Variants in CUBN observed in about 807,000 individuals in gnomAD.
CUBN encodes 460 kDa receptor.
Under a neutral mutation model 405.3 loss-of-function variants are expected in CUBN, and 282 were observed. That is an observed-to-expected ratio of 0.70 (90% CI 0.63 to 0.77). The LOEUF is 0.77. Ranked by LOEUF, CUBN falls within the 30% of genes least tolerant of loss-of-function variation. The probability of loss-of-function intolerance (pLI) is 0.00; values close to 1 mark genes in which losing one functional copy is unlikely to be tolerated. For synonymous variants in CUBN, 1,684 were observed against 1,617.0 expected (o/e 1.04, Z -0.99); for missense variants, 4,514 against 4,475.2 (o/e 1.01, Z -0.25).
At chr10:16,965,358 T>C (rs1449279544) in intron 31 of CUBN, among the ~76,000 whole-genome samples, 3 of 152,228 alleles carry the variant, frequency 2.0e-5, no homozygotes, top group African/African-American at 7.2e-5. Flanking sequence ...TAAAGACCAG[T>C]AATCACGCAT....
chr10:16,978,805 C>T (rs1439982819), intron 31 of CUBN, among the ~76,000 whole-genome samples: 4 of 152,146 alleles, frequency 2.6e-5, no homozygotes, highest in Admixed American at 2.6e-4. Context: ...CCCTCTCTAA[C>T]CACTCCTATT....
chr10:16,925,440 A>G lies in CUBN; in HGVS notation c.6463-16T>C, dbSNP rs562673259. Reference sequence around the variant, plus strand: ...CATTTCTTAGCTGGAAAGACAAATTAAAATTTCATCAACTCCTTTACATTG... The same window carrying G: ...CATTTCTTAGCTGGAAAGACAAATTGAAATTTCATCAACTCCTTTACATTG... On this transcript the variant is annotated splice_polypyrimidine_tract_variant and intron_variant, in intron 42 of 66. Transcript: ENST00000377833. 6.2e-7 allele frequency: 1 copy of G among 1,612,452 alleles called. No homozygotes were observed. Among genetic ancestry groups the G allele is most frequent in the Admixed American group, 1.7e-5 (1 of 59,966 alleles).
At position 17,127,856 on chromosome 10, in the gene CUBN, A is replaced by G. The variant is rs1437622422; in HGVS notation, c.321T>C (p.Ser107=). ...TGGAATTAAGCTGATAGATTTGACT[A>G]GATATATTTTGAGGCAGACCAATTG... is the stretch of plus-strand genomic sequence containing the variant. ...GSAIGLPQNI[S]SQIYQLNSKL... is the part of the protein sequence containing the mutation. Residue 107 remains serine, a synonymous_variant, in exon 3 of 67, where the codon TCT becomes TCC. Coordinates refer to ENST00000377833, the MANE Select transcript of CUBN (RefSeq NM_001081.4). The G allele has an allele frequency of 1.1e-5, 17 of 1,612,586 alleles. No homozygotes were observed. The East Asian group carries it at 3.6e-4, about 34-fold the overall frequency.
chr10:16,978,023 C>CTA (rs1364772231), intron 31 of CUBN, among the ~76,000 whole-genome samples: 11 of 152,298 alleles, frequency 7.2e-5, no homozygotes, highest in Admixed American at 4.6e-4. Context: ...TGTCCAGTGC[C>CTA]TAGATGCACG....
At chr10:16,939,939 G>A in intron 37 of CUBN, 93 bp downstream of exon 37, 3 of 1,076,728 alleles carry the variant, frequency 2.8e-6, no homozygotes, top group Admixed American at 1.7e-5. Context: ...TAGAGTTTAG[G>A]ATTGTTCTTG....
chr10:17,092,032 G>C (rs756081341), intron 14 of CUBN, among the ~76,000 whole-genome samples: 1 of 152,052 alleles, frequency 6.6e-6, no homozygotes, highest in Non-Finnish European at 1.5e-5. Flanking sequence ...CCCTCTCTTG[G>C]GGTCTAGATC....
chr10:17,129,418 T>A (rs1236455873), intron 1 of CUBN, among the ~76,000 whole-genome samples, 168 bp from the exon 2 acceptor site: 2 of 152,254 alleles, frequency 1.3e-5, no homozygotes, highest in African/African-American at 4.8e-5. Context: ...TGCACATTTC[T>A]CAGAGATACC....
intron 59 of CUBN, among the ~76,000 whole-genome samples, chr10:16,862,275 A>G (rs1443335263): frequency 6.6e-6 from 1 of 152,164 alleles, no homozygotes; most frequent in East Asian, 1.9e-4. Context: ...GGGGACAGTC[A>G]AACTCATGTT....
In CUBN at chr10:17,123,654, G is replaced by T; in HGVS notation, c.423C>A (p.Cys141Ter). 1 of 1,614,012 alleles carries T rather than the reference G, an allele frequency of 6.2e-7. No homozygotes were observed. Among genetic ancestry groups the T allele is most frequent in the South Asian group, 1.1e-5 (1 of 90,994 alleles). The change falls in exon 5 of 67, where the codon TGC becomes TGA. Residue 141 changes from cysteine to a stop codon, truncating the protein, a stop_gained. Transcript: ENST00000377833. LOFTEE classifies it high-confidence loss of function. ...GATTGAGGCAGGTTCCACCATTCTG[G>T]CAAGGATTGCTGCTGCAAACCTTTT... The part of the protein sequence containing the change: ...VDKKVCSSNP[C>*]QNGGTCLNLH...
rs541679395 is a variant in CUBN, at chr10:16,969,447, G to A, written c.4695+13037C>T. ...TCAGCTCACTGCAGCCTCCGCCTCC[G>A]GGGTTCAAGTGATTCTCCTGCCTTA... On this transcript the variant is annotated intron_variant, in intron 31 of 66. Coordinates refer to ENST00000377833, the MANE Select transcript of CUBN (RefSeq NM_001081.4). Among the ~76,000 whole-genome samples, 11 of 151,928 alleles carry A rather than the reference G, an allele frequency of 7.2e-5. No homozygotes were observed. The South Asian group carries it at 1.2e-3, about 17-fold the overall frequency.
At chr10:16,879,529 C>G (rs149653451) in intron 56 of CUBN, among the ~76,000 whole-genome samples, 2 of 152,310 alleles carry the variant, frequency 1.3e-5, no homozygotes, top group East Asian at 1.9e-4. Flanking sequence ...AATCAGACAT[C>G]CTGTTTGCTG....
intron 55 of CUBN, among the ~76,000 whole-genome samples, chr10:16,889,448 G>A (rs556353800): frequency 8.5e-5 from 13 of 152,264 alleles, no homozygotes; most frequent in Non-Finnish European, 1.9e-4. Context: ...ACACACCATT[G>A]CTTCTCTGAC....
chr10:16,990,665 G>C (rs544014189), intron 28 of CUBN, 150 bp from the exon 29 acceptor site: 1 of 656,502 alleles, frequency 1.5e-6, no homozygotes, highest in Non-Finnish European at 2.6e-6. Context: ...TAATTATGCA[G>C]TTATAAAACA....
intron 27 of CUBN, among the ~76,000 whole-genome samples, chr10:17,037,415 C>T (rs539829115): frequency 1.3e-5 from 2 of 152,240 alleles, no homozygotes; most frequent in African/African-American, 4.8e-5. Context: ...ATCATATAAT[C>T]ATAAATTCAT....
chr10:16,936,731 G>A (rs577209880), intron 39 of CUBN, among the ~76,000 whole-genome samples: 1 of 152,016 alleles, frequency 6.6e-6, no homozygotes, highest in African/African-American at 2.4e-5. Context: ...TTTTCTTTTC[G>A]AAACGGAGTC....
chr10:16,908,423 G>C (rs900465802), intron 48 of CUBN, among the ~76,000 whole-genome samples: 1 of 152,176 alleles, frequency 6.6e-6, no homozygotes, highest in African/African-American at 2.4e-5. Flanking sequence ...GGGATTACTG[G>C]TGTGAGCCAC....
rs545205431 is a variant in CUBN at position 17,097,718 on chromosome 10, A to G, written c.1765+2287T>C. 2.6e-5 allele frequency among the ~76,000 whole-genome samples: 4 copies of G among 152,274 alleles called. No individual in the cohort carries two copies. The South Asian group carries it at 8.3e-4, about 32-fold the overall frequency. On this transcript the variant is annotated intron_variant, in intron 14 of 66. Coordinates refer to ENST00000377833, the MANE Select transcript of CUBN (RefSeq NM_001081.4). ...TGAATGCAAAGTTGATTCACCATTC[A>G]AAATCAATCAATTTAACTCACTATA...
intron 59 of CUBN, among the ~76,000 whole-genome samples, chr10:16,859,538 C>A (rs1839956947): frequency 6.6e-6 from 1 of 152,034 alleles, no homozygotes; most frequent in Non-Finnish European, 1.5e-5. Flanking sequence ...GCTTCCTAAT[C>A]AAAATAATAC....
chr10:16,864,905 C>A (rs1840127689), intron 59 of CUBN, among the ~76,000 whole-genome samples: 1 of 148,934 alleles, frequency 6.7e-6, no homozygotes, highest in African/African-American at 2.5e-5. Context: ...ACACCTCGGC[C>A]TCCCAAAGTG....
Sources: gnomAD v4.1 joint callset for allele counts (sites outside exome capture counted in the v4.1 genomes callset) on GRCh38, gnomAD v4.1.1 for gene constraint, MANE v1.5 for transcripts, NCBI Gene and HGNC (gene_info 2026-07-23, HGNC 2026-07-21) for gene names.